EMSY: variants seen among roughly 807,000 people sequenced by gnomAD.
EMSY encodes BRCA2-interacting transcriptional repressor EMSY.
In EMSY, 26 loss-of-function variants were observed where a neutral mutation model predicts 134.6. The observed-to-expected ratio is 0.19, with a 90% CI of 0.14 to 0.27. The LOEUF (loss-of-function observed/expected upper bound fraction) is 0.27, where lower values mean the gene tolerates loss of function less well. Among genes scored for constraint, EMSY ranks in the 10% least tolerant of loss-of-function variants. The pLI is 1.00. For synonymous variants in EMSY, 579 were observed against 577.8 expected (o/e 1.00, Z -0.03); for missense variants, 1,305 against 1,611.4 (o/e 0.81, Z 3.26).
chr11:76,453,166 G>GAT (rs1322381076), intron 3 of EMSY, 148 bp from the exon 4 acceptor site: 16 of 532,572 alleles, frequency 3.0e-5, no homozygotes, highest in South Asian at 9.1e-5. Flanking sequence ...AGCATTTGAA[G>GAT]ATATATATAT....
chr11:76,523,704 C>G (rs200836502), intron 12 of EMSY, among the ~76,000 whole-genome samples: 1 of 80,536 alleles, frequency 1.2e-5, no homozygotes, highest in Non-Finnish European at 2.3e-5. Context: ...TTGTTACTTT[C>G]TTTTTTTTTT....
downstream of EMSY, chr11:76,552,769 T>A (rs1181143853): frequency 1.3e-5 from 2 of 152,148 alleles, no homozygotes; most frequent in African/African-American, 4.8e-5. Flanking sequence ...TTTTCATTAA[T>A]CACAAAAGAA....
chr11:76,549,676 T>G (rs1428292179), intron 20 of EMSY, among the ~76,000 whole-genome samples: 1 of 152,162 alleles, frequency 6.6e-6, no homozygotes, highest in African/African-American at 2.4e-5. Context: ...TGACCAACTG[T>G]GTGACTTTGG....
At chr11:76,456,576 T>C (rs1240554571) in intron 4 of EMSY, among the ~76,000 whole-genome samples, 1 of 152,194 alleles carries the variant, frequency 6.6e-6, no homozygotes, top group East Asian at 1.9e-4. Context: ...CCTCTAACAA[T>C]GAGCTTTTCT....
intron 11 of EMSY, among the ~76,000 whole-genome samples, chr11:76,522,553 A>G (rs958636146): frequency 6.6e-6 from 1 of 151,752 alleles, no homozygotes. Context: ...TATTTTTAGT[A>G]GAGATAGACT....
At chr11:76,529,806 A>G (rs1950968759) in intron 14 of EMSY, among the ~76,000 whole-genome samples, 1 of 152,218 alleles carries the variant, frequency 6.6e-6, no homozygotes. Flanking sequence ...CAGTGATAGT[A>G]ATATTTTCTG....
rs1312223819 is a variant in EMSY at position 76,547,108 on chromosome 11, G to A, written c.3774+811G>A. 2.4e-5 allele frequency: 11 copies of A among 452,404 alleles called. No individual in the cohort carries two copies. In the East Asian group the frequency reaches 4.2e-4, roughly 17 times the overall value. The allele number at this position is 452,404 out of a possible 1,614,324, so 28.0% of individuals were successfully genotyped here. A position where few individuals can be genotyped will look rare whatever the true frequency, so the allele number is the denominator to read the frequency against. On this transcript the variant is annotated intron_variant, in intron 20 of 20. Transcript: ENST00000334736. ...TCCCTCTCTCCTTGCAAGGTATCAGGTTGTTTTCTTGACATTTGTCATTCT... is the reference window on the plus strand; with the variant it reads ...TCCCTCTCTCCTTGCAAGGTATCAGATTGTTTTCTTGACATTTGTCATTCT...
intron 4 of EMSY, chr11:76,453,691 A>G (rs1403670479): frequency 4.7e-6 from 1 of 213,684 alleles, no homozygotes; most frequent in Non-Finnish European, 9.3e-6. Flanking sequence ...TTCAGTAACA[A>G]AGTATTGTGA....
chr11:76,510,909 T>TGCCTTTCTCAC lies in EMSY; in HGVS notation c.1364-2477_1364-2476insGCCTTTCTCAC, dbSNP rs1950252203. 4.6e-5 allele frequency among the ~76,000 whole-genome samples: 7 copies of TGCCTTTCTCAC among 152,350 alleles called. No individual in the cohort carries two copies. In the South Asian group the frequency reaches 1.4e-3, roughly 32 times the overall value. ...AAGGAGGAAATGCTCTTGGTTTAAA[T>TGCCTTTCTCAC]ACCACAGATTTTGCCTTTCTCAATG... is the stretch of plus-strand genomic sequence containing the variant. On this transcript the variant is annotated intron_variant, in intron 9 of 20. Transcript: ENST00000334736.
At chr11:76,479,540 G>A (rs901284036) in intron 8 of EMSY, among the ~76,000 whole-genome samples, 2 of 152,182 alleles carry the variant, frequency 1.3e-5, no homozygotes, top group Non-Finnish European at 2.9e-5. Flanking sequence ...CTTATTTTCT[G>A]TTCTGTGGTG....
chr11:76,509,232 A>C (rs1395308872), intron 9 of EMSY, among the ~76,000 whole-genome samples: 1 of 152,098 alleles, frequency 6.6e-6, no homozygotes, highest in Non-Finnish European at 1.5e-5. Context: ...CAGAACCTTC[A>C]ATTTGTAAAA....
At chr11:76,474,460 G>A (rs1046215110) in intron 8 of EMSY, among the ~76,000 whole-genome samples, 7 of 152,140 alleles carry the variant, frequency 4.6e-5, no homozygotes, top group Non-Finnish European at 1.0e-4. Context: ...GTGAATGCAA[G>A]CACTCAAGTA....
In EMSY at chr11:76,528,262, T is replaced by C. The variant is rs1206638670; in HGVS notation, c.1996-6T>C. On this transcript the variant is annotated splice_region_variant and splice_polypyrimidine_tract_variant and intron_variant, in intron 13 of 20. Transcript: ENST00000334736. Reference sequence around the variant, plus strand: ...TTATCTCAGTATATTTCTGCTTTTCTCCTAGGTTCTTATTAAACCCAAACC... The same window carrying C: ...TTATCTCAGTATATTTCTGCTTTTCCCCTAGGTTCTTATTAAACCCAAACC... 4 of 1,611,306 alleles carry C rather than the reference T, an allele frequency of 2.5e-6. No individual in the cohort carries two copies. In the African/African-American group the frequency reaches 5.3e-5, roughly 22 times the overall value.
Position 76,523,035 on chromosome 11 carries a change from G to A in EMSY, c.1685-120G>A, listed in dbSNP as rs910078608. On this transcript the variant is annotated intron_variant, in intron 11 of 20. Coordinates refer to ENST00000334736, the Ensembl canonical transcript of EMSY. Reference sequence around the variant, plus strand: ...AGCCTTCATTTTCATCATCTTGACAGCTTTCATGTCATCTAGGAATGACAT... The same window carrying A: ...AGCCTTCATTTTCATCATCTTGACAACTTTCATGTCATCTAGGAATGACAT... 6.6e-5 allele frequency: 64 copies of A among 970,242 alleles called. No homozygotes were observed. In the African/African-American group the frequency reaches 9.8e-4, roughly 15 times the overall value. The allele number at this position is 970,242 out of a possible 1,614,324, so 60.1% of individuals were successfully genotyped here.
At chr11:76,487,898 C>A (rs776400340) in intron 8 of EMSY, among the ~76,000 whole-genome samples, 2 of 152,180 alleles carry the variant, frequency 1.3e-5, no homozygotes, top group African/African-American at 4.8e-5. Context: ...TCATTTTACA[C>A]CTGATTTTTT....
chr11:76,532,727 A>G (rs534666201), intron 14 of EMSY, among the ~76,000 whole-genome samples: 22 of 152,178 alleles, frequency 1.4e-4, no homozygotes, highest in Non-Finnish European at 3.1e-4. Context: ...GACAAACCCA[A>G]GGGCAGAGAT....
exon 15 of EMSY, chr11:76,535,930 C>A (rs200382099): frequency 2.2e-4 from 339 of 1,556,532 alleles, no homozygotes; most frequent in Non-Finnish European, 2.8e-4. Context: ...TGCTTCCCGG[C>A]GTCAGGATTG....
intron 8 of EMSY, among the ~76,000 whole-genome samples, chr11:76,481,392 C>A (rs1168083085): frequency 2.0e-5 from 3 of 152,128 alleles, no homozygotes; most frequent in African/African-American, 7.2e-5. Flanking sequence ...ACCAGCGAGA[C>A]AGAACCATTC....
chr11:76,543,193 A>G (rs1951510984), intron 18 of EMSY, among the ~76,000 whole-genome samples: 1 of 152,232 alleles, frequency 6.6e-6, no homozygotes, highest in African/African-American at 2.4e-5. Context: ...TATCATTAGT[A>G]GTCACATAAG....
Sources: allele counts gnomAD v4.1 joint callset (sites outside exome capture counted in the v4.1 genomes callset), GRCh38; gene constraint gnomAD v4.1.1; transcripts MANE v1.5; gene names NCBI Gene and HGNC (gene_info 2026-07-23, HGNC 2026-07-21).